KAT6A: variants seen among roughly 807,000 people sequenced by gnomAD.
The protein encoded by KAT6A is histone acetyltransferase KAT6A.
A neutral mutation model predicts 198.4 loss-of-function variants in KAT6A; 9 were observed. The observed-to-expected ratio is 0.05, with a 90% CI of 0.03 to 0.08. The LOEUF is 0.08. KAT6A is among the 10% of genes least tolerant of loss of function. The pLI is 1.00. For synonymous variants in KAT6A, 890 were observed against 883.0 expected (o/e 1.01, Z -0.14); for missense variants, 2,077 against 2,509.9 (o/e 0.83, Z 3.69).
chr8:42,039,950 C>T (rs560050169), intron 2 of KAT6A, among the ~76,000 whole-genome samples: 4 of 151,480 alleles, frequency 2.6e-5, no homozygotes, highest in East Asian at 1.9e-4. Context: ...GCTTTCACCA[C>T]GTTAGCCAGG....
In KAT6A at chr8:41,981,887, G is replaced by A. The variant is rs1174336011; in HGVS notation, c.777C>T (p.Cys259=). The A allele has an allele frequency of 1.9e-6, 3 of 1,614,000 alleles. No homozygotes were observed. Among genetic ancestry groups the A allele is most frequent in the South Asian group, 2.2e-5 (2 of 91,066 alleles). ...AGGAGCTGCATGTTTTACACTCGAT[G>A]CACTGCCACCGTAAGGCCTTCACTC... The part of the protein sequence containing the change: ...TVRVKALRWQ[C]IECKTCSSCR... The change falls in exon 4 of 17, where the codon TGC becomes TGT. Residue 259 remains cysteine, a synonymous_variant. Coordinates refer to ENST00000265713, the MANE Select transcript of KAT6A (RefSeq NM_006766.5).
At chr8:41,956,935 C>T in intron 8 of KAT6A, 1 of 429,182 alleles carries the variant, frequency 2.3e-6, no homozygotes, top group East Asian at 5.0e-5. Context: ...ATCTTCACAA[C>T]TCAAAGTAAT....
chr8:42,011,407 T>C (rs1467886937), intron 2 of KAT6A, among the ~76,000 whole-genome samples: 1 of 152,166 alleles, frequency 6.6e-6, no homozygotes, highest in Non-Finnish European at 1.5e-5. Flanking sequence ...CCATTTGTTC[T>C]AGAAATGAGT....
chr8:41,934,978 T>C (rs1361319537), intron 16 of KAT6A, 111 bp from the exon 17 acceptor site: 19 of 852,736 alleles, frequency 2.2e-5, no homozygotes, highest in Non-Finnish European at 3.5e-5. Context: ...TCATTACTTT[T>C]ATAAACTCCT....
chr8:41,980,723 C>T, intron 5 of KAT6A, 123 bp downstream of exon 5: 1 of 751,862 alleles, frequency 1.3e-6, no homozygotes. Context: ...CAGTTCTCTT[C>T]CTACTTATAC....
intron 8 of KAT6A, among the ~76,000 whole-genome samples, chr8:41,959,162 A>AGG: frequency 6.8e-6 from 1 of 148,088 alleles, no homozygotes; most frequent in African/African-American, 2.5e-5. Context: ...CTGTCTCGAA[A>AGG]AAAAAAAAAA....
At chr8:41,976,155 C>G (rs1402998409) in intron 7 of KAT6A, among the ~76,000 whole-genome samples, 9 of 152,174 alleles carry the variant, frequency 5.9e-5, no homozygotes, top group Non-Finnish European at 1.5e-5. Flanking sequence ...ATACACTCTC[C>G]CTCACCAAGG....
chr8:41,964,807 A>G (rs1425106362), intron 8 of KAT6A, among the ~76,000 whole-genome samples: 1 of 152,158 alleles, frequency 6.6e-6, no homozygotes, highest in African/African-American at 2.4e-5. Flanking sequence ...AACAATTAAA[A>G]CGATGTACTG....
chr8:41,988,224 TAG>T (rs761896308), intron 2 of KAT6A, among the ~76,000 whole-genome samples: 3 of 152,110 alleles, frequency 2.0e-5, no homozygotes, highest in Non-Finnish European at 4.4e-5. Context: ...ATAAGTAGCA[TAG>T]ACTTAGGTGT....
At chr8:42,051,748 G>A (rs1802672533) in intron 1 of KAT6A, among the ~76,000 whole-genome samples, 153 bp downstream of exon 1, 3 of 145,946 alleles carry the variant, frequency 2.1e-5, no homozygotes, top group East Asian at 4.1e-4. Context: ...GCCCCAGCCC[G>A]AGGCCTGGCG....
Position 41,933,243 on chromosome 8 carries a change from TGGCTGCTGTGGAGGCGGTGGTGGC to T in KAT6A, c.4953_4976del (p.Pro1652_Pro1659del), listed in dbSNP as rs779701073. The T allele has an allele frequency of 1.9e-3, 2,902 of 1,553,302 alleles. 8 individuals carry two copies. Among genetic ancestry groups the T allele is most frequent in the Non-Finnish European group, 2.3e-3 (2,644 of 1,154,718 alleles). On this transcript the variant is annotated inframe_deletion, in exon 17 of 17. Coordinates refer to ENST00000265713, the MANE Select transcript of KAT6A (RefSeq NM_006766.5). The surrounding 1 kb of genome is among the most constrained non-coding windows in gnomAD (Gnocchi z 6.2). ...GTTGTGGTTGTGGCGGCGGCGGCTG[TGGCTGCTGTGGAGGCGGTGGTGGC>T]GGCTGCTGCTGCTGGTTACTGGGAG...
At chr8:41,969,104 C>T (rs1175169792) in intron 8 of KAT6A, among the ~76,000 whole-genome samples, 1 of 152,114 alleles carries the variant, frequency 6.6e-6, no homozygotes, top group Admixed American at 6.5e-5. Flanking sequence ...GTTTCTAGAA[C>T]ATAGCAGGCA....
At chr8:41,966,963 G>C (rs1823522295) in intron 8 of KAT6A, among the ~76,000 whole-genome samples, 1 of 152,052 alleles carries the variant, frequency 6.6e-6, no homozygotes, top group Admixed American at 6.6e-5. Flanking sequence ...ATGTAAAATG[G>C]GGTAACACCT....
intron 3 of KAT6A, among the ~76,000 whole-genome samples, chr8:41,985,915 A>G (rs1350582659): frequency 1.3e-5 from 2 of 151,940 alleles, no homozygotes; most frequent in Non-Finnish European, 2.9e-5. Flanking sequence ...GCCTTCCTGT[A>G]AGGTCTTGTA....
intron 14 of KAT6A, 113 bp downstream of exon 14, chr8:41,942,680 C>T: frequency 8.5e-7 from 1 of 1,173,834 alleles, no homozygotes; most frequent in Non-Finnish European, 1.2e-6. Flanking sequence ...TCTTGACATT[C>T]TAATGTGAAT....
At chr8:42,017,620 C>T (rs1046071520) in intron 2 of KAT6A, among the ~76,000 whole-genome samples, 2 of 151,930 alleles carry the variant, frequency 1.3e-5, no homozygotes, top group African/African-American at 4.8e-5. Context: ...CAGTGTGGTG[C>T]CAACAAGGGA....
chr8:41,946,020 ACT>A (rs1278900416), intron 12 of KAT6A, among the ~76,000 whole-genome samples: 1 of 147,166 alleles, frequency 6.8e-6, no homozygotes, highest in East Asian at 2.0e-4. Flanking sequence ...ACAGAGCGAG[ACT>A]CTGTCTCTCA....
At chr8:41,993,951 T>C (rs141063615) in intron 2 of KAT6A, among the ~76,000 whole-genome samples, 161 of 152,086 alleles carry the variant, frequency 1.1e-3, no homozygotes, top group African/African-American at 3.7e-3. Context: ...ACTAAGGTGG[T>C]TATAGGAAAA....
In KAT6A at chr8:41,941,338, T is replaced by C. The variant is rs1346083240; in HGVS notation, c.2543A>G (p.Lys848Arg). 1 of 1,613,456 alleles carries C rather than the reference T, an allele frequency of 6.2e-7. No homozygotes were observed. The stretch of plus-strand genomic sequence containing the variant: ...AAGACTATCATGAGGAAGGACTTGT[T>C]TGCTCAAACGTGTAGAACTGACTGG... ...MAPVSSTRLS[K>R]QVLPHDSLPA... The change falls in exon 15 of 17, where the codon AAA becomes AGA. Residue 848 changes from lysine to arginine, a missense_variant. Coordinates refer to ENST00000265713, the MANE Select transcript of KAT6A (RefSeq NM_006766.5).
Sources: gnomAD v4.1 joint callset for allele counts (sites outside exome capture counted in the v4.1 genomes callset) on GRCh38, gnomAD v4.1.1 for gene constraint, Gnocchi (gnomAD v3.1) non-coding constraint, MANE v1.5 for transcripts, NCBI Gene and HGNC (gene_info 2026-07-23, HGNC 2026-07-21) for gene names.